Variants in LRFN5 observed in about 807,000 individuals in gnomAD.
LRFN5 encodes the protein leucine rich repeat and fibronectin type III domain containing 5.
A neutral mutation model predicts 45.6 loss-of-function variants in LRFN5; 24 were observed. The ratio of observed to expected loss-of-function variants is 0.53; its 90% CI spans 0.38 to 0.74. The LOEUF (loss-of-function observed/expected upper bound fraction) is 0.74. Among genes scored for constraint, LRFN5 ranks in the 30% least tolerant of loss-of-function variants. The pLI is 0.00. For missense variants in LRFN5, 776 were observed against 861.5 expected, an observed-to-expected ratio of 0.90 and a Z score of 1.24; for synonymous variants, 340 against 313.8, an observed-to-expected ratio of 1.08 and a Z score of -0.88.
chr14:41,888,403 C>G (rs546569372), intron 3 of LRFN5, among the ~76,000 whole-genome samples: 1 of 152,200 alleles, frequency 6.6e-6, no homozygotes, highest in South Asian at 2.1e-4. Flanking sequence ...GCTCAAAGCA[C>G]TTTTGGAATT....
intron 1 of LRFN5, among the ~76,000 whole-genome samples, chr14:41,681,729 A>G (rs1490550715): frequency 6.6e-6 from 1 of 152,040 alleles, no homozygotes; most frequent in African/African-American, 2.4e-5. Flanking sequence ...AAGTTAGTAC[A>G]CAGGATAACA....
intron 1 of LRFN5, among the ~76,000 whole-genome samples, chr14:41,737,739 C>T (rs755874153): frequency 6.6e-6 from 1 of 152,036 alleles, no homozygotes; most frequent in Non-Finnish European, 1.5e-5. Context: ...AGTGAACTCC[C>T]ATTCACAATT....
chr14:41,786,685 G>A (rs1026170525), intron 2 of LRFN5, among the ~76,000 whole-genome samples: 6 of 151,466 alleles, frequency 4.0e-5, no homozygotes, highest in Admixed American at 4.0e-4. Flanking sequence ...AGCCATTGTT[G>A]CTTCAAATTT....
At chr14:41,899,542 A>G (rs1230242021) in intron 5 of LRFN5, among the ~76,000 whole-genome samples, 2 of 152,058 alleles carry the variant, frequency 1.3e-5, no homozygotes, top group East Asian at 3.9e-4. Flanking sequence ...TGAGTATTTG[A>G]TTCTTGAATT....
chr14:41,715,891 T>C (rs1307143229), intron 1 of LRFN5, among the ~76,000 whole-genome samples: 1 of 152,112 alleles, frequency 6.6e-6, no homozygotes, highest in African/African-American at 2.4e-5. Context: ...CAAGCAGAGG[T>C]TCTCCATGAG....
intron 1 of LRFN5, among the ~76,000 whole-genome samples, chr14:41,757,445 C>T (rs1432452386): frequency 2.6e-5 from 4 of 152,222 alleles, no homozygotes; most frequent in South Asian, 2.1e-4. Context: ...CCTACTCAAG[C>T]CTCAGCAATG....
intron 1 of LRFN5, among the ~76,000 whole-genome samples, chr14:41,765,247 C>G (rs1885832951): frequency 6.6e-6 from 1 of 150,782 alleles, no homozygotes; most frequent in African/African-American, 2.4e-5. Flanking sequence ...GAGGCTGAGG[C>G]AGGAGAATGG....
intron 1 of LRFN5, among the ~76,000 whole-genome samples, chr14:41,674,495 G>A (rs1418520536): frequency 4.2e-4 from 62 of 146,032 alleles, no homozygotes; most frequent in South Asian, 4.5e-4. Context: ...GTGGCTGGCC[G>A]GGCGGGGGGC....
Position 41,775,623 on chromosome 14 carries a change from G to A in LRFN5, c.-21+8594G>A, listed in dbSNP as rs867604533. 7.9e-5 allele frequency among the ~76,000 whole-genome samples: 12 copies of A among 152,036 alleles called. No individual in the cohort carries two copies. The South Asian group carries it at 1.0e-3, about 13-fold the overall frequency. ...ATGTAGTTCCATTACAGGCAAATAA[G>A]CATCTCTTAGATTATTTCAATACCT... On this transcript the variant is annotated intron_variant, in intron 2 of 5. Coordinates refer to ENST00000298119, the MANE Select transcript of LRFN5 (RefSeq NM_152447.5).
intron 2 of LRFN5, among the ~76,000 whole-genome samples, chr14:41,795,761 C>A (rs909201845): frequency 6.7e-6 from 1 of 149,926 alleles, no homozygotes; most frequent in Admixed American, 6.7e-5. Flanking sequence ...GAACATCACA[C>A]ACCAGGGCCT....
intron 1 of LRFN5, among the ~76,000 whole-genome samples, chr14:41,666,602 T>A (rs947402727): frequency 1.3e-5 from 2 of 152,174 alleles, no homozygotes; most frequent in Non-Finnish European, 2.9e-5. Flanking sequence ...AAGATAGAGT[T>A]AATTTTCAAT....
chr14:41,802,866 T>A (rs1887386322), intron 2 of LRFN5, among the ~76,000 whole-genome samples: 3 of 152,132 alleles, frequency 2.0e-5, no homozygotes, highest in Non-Finnish European at 4.4e-5. Flanking sequence ...ACAATGAGAT[T>A]GTGGCAGAAA....
At chr14:41,685,406 A>G (rs1251279423) in intron 1 of LRFN5, among the ~76,000 whole-genome samples, 3 of 152,244 alleles carry the variant, frequency 2.0e-5, no homozygotes, top group Admixed American at 6.5e-5. Flanking sequence ...CCACATGCCT[A>G]TTACCAGACA....
intron 1 of LRFN5, among the ~76,000 whole-genome samples, chr14:41,630,703 ACATAAC>A (rs1888503696): frequency 6.6e-6 from 1 of 152,124 alleles, no homozygotes; most frequent in African/African-American, 2.4e-5. Context: ...TTCATTTAAC[ACATAAC>A]TGCTTCAATC....
chr14:41,726,069 T>C (rs569151754), intron 1 of LRFN5, among the ~76,000 whole-genome samples: 22 of 152,258 alleles, frequency 1.4e-4, no homozygotes, highest in Non-Finnish European at 2.4e-4. Context: ...TCAAGTACGA[T>C]TGATGATCAC....
At chr14:41,660,582 T>C (rs1880602789) in intron 1 of LRFN5, among the ~76,000 whole-genome samples, 1 of 152,048 alleles carries the variant, frequency 6.6e-6, no homozygotes, top group African/African-American at 2.4e-5. Context: ...ATTGTAGACA[T>C]TGGAAACAGT....
intron 1 of LRFN5, among the ~76,000 whole-genome samples, chr14:41,623,354 A>C (rs1012567330): frequency 6.6e-6 from 1 of 152,078 alleles, no homozygotes; most frequent in South Asian, 2.1e-4. Flanking sequence ...AAGTTTCCCG[A>C]GGCTTCCCCA....
chr14:41,836,390 G>A (rs959399641), intron 2 of LRFN5, among the ~76,000 whole-genome samples: 1 of 152,074 alleles, frequency 6.6e-6, no homozygotes, highest in Non-Finnish European at 1.5e-5. Context: ...GCACATACTT[G>A]ATATACATGT....
At chr14:41,889,130 A>G (rs1362264854) in intron 3 of LRFN5, among the ~76,000 whole-genome samples, 2 of 150,278 alleles carry the variant, frequency 1.3e-5, no homozygotes, top group Non-Finnish European at 3.0e-5. Flanking sequence ...ATATATATAT[A>G]TTCTGTTTAA....
Sources: gnomAD v4.1 joint callset for allele counts (sites outside exome capture counted in the v4.1 genomes callset) on GRCh38, gnomAD v4.1.1 for gene constraint, MANE v1.5 for transcripts, NCBI Gene and HGNC (gene_info 2026-07-23, HGNC 2026-07-21) for gene names.